Variants in PMS1 observed in about 807,000 individuals in gnomAD.
The protein encoded by PMS1 is PMS1 homolog 1, mismatch repair system component.
A neutral mutation model predicts 93.1 loss-of-function variants in PMS1; 79 were observed. That is an observed-to-expected ratio of 0.85 (90% CI 0.71 to 1.02). The LOEUF is 1.02. Among genes scored for constraint, PMS1 ranks in the 50% least tolerant of loss-of-function variants. PMS1 has a pLI of 0.00. For synonymous variants in PMS1, 335 were observed against 363.4 expected (o/e 0.92, Z 0.89); for missense variants, 1,064 against 1,085.3 (o/e 0.98, Z 0.28).
intron 9 of PMS1, among the ~76,000 whole-genome samples, chr2:189,863,232 T>C (rs1342672097): frequency 6.6e-6 from 1 of 151,802 alleles, no homozygotes; most frequent in East Asian, 1.9e-4. Context: ...GTTGTTGTTG[T>C]TTTTTCTTTT....
chr2:189,822,590 T>C (rs2052023951), intron 5 of PMS1, among the ~76,000 whole-genome samples: 1 of 152,320 alleles, frequency 6.6e-6, no homozygotes, highest in East Asian at 1.9e-4. Flanking sequence ...AGATTGTTGC[T>C]ACAGCAACTC....
At chr2:189,828,330 C>G (rs1229306793) in intron 5 of PMS1, among the ~76,000 whole-genome samples, 1 of 152,160 alleles carries the variant, frequency 6.6e-6, no homozygotes, top group Non-Finnish European at 1.5e-5. Flanking sequence ...ATGTTGTCAT[C>G]ACAAAGAAAT....
At chr2:189,840,652 A>G (rs923295351) in intron 5 of PMS1, among the ~76,000 whole-genome samples, 3 of 152,184 alleles carry the variant, frequency 2.0e-5, no homozygotes, top group African/African-American at 7.2e-5. Context: ...ATTATTGCAT[A>G]TCTGTATGAA....
intron 12 of PMS1, among the ~76,000 whole-genome samples, chr2:189,876,778 T>C (rs1230157668): frequency 6.8e-6 from 1 of 146,624 alleles, no homozygotes. Context: ...CACTTTTTTT[T>C]TTTTTTTTTT....
In PMS1 at chr2:189,873,663, A is replaced by G. The variant is rs745341454; in HGVS notation, c.2634+7A>G. 1 of 1,586,348 alleles carries G rather than the reference A, an allele frequency of 6.3e-7. No individual in the cohort carries two copies. Among genetic ancestry groups the G allele is most frequent in the East Asian group, 2.2e-5 (1 of 44,634 alleles). On this transcript the variant is annotated splice_region_variant and intron_variant, in intron 12 of 12. Transcript: ENST00000441310. ...AGTGATAAGTTATTTAGAGGTACGC[A>G]TTATTTTATATATATGTTATTGTAT...
At chr2:189,849,469 TAAG>T (rs370061916) in intron 6 of PMS1, among the ~76,000 whole-genome samples, 10 of 152,202 alleles carry the variant, frequency 6.6e-5, no homozygotes, top group African/African-American at 1.9e-4. Flanking sequence ...TTTTCTTTTT[TAAG>T]AAGCATGTTA....
intron 12 of PMS1, among the ~76,000 whole-genome samples, chr2:189,873,913 A>G (rs1450226106): frequency 1.3e-5 from 2 of 152,212 alleles, no homozygotes; most frequent in African/African-American, 4.8e-5. Context: ...CCACCCGCCA[A>G]CTGGAAAAAC....
chr2:189,867,790 C>A lies in PMS1; in HGVS notation c.2343-9C>A. On this transcript the variant is annotated splice_polypyrimidine_tract_variant and intron_variant, in intron 10 of 12. Coordinates refer to ENST00000441310, the MANE Select transcript of PMS1 (RefSeq NM_000534.5). ...TTAATAAGTTAAAGGGCCATAATTT[C>A]TTTTTCAGTCTTTTTAATGGATCTC... The A allele has an allele frequency of 1.3e-6, 2 of 1,560,842 alleles. No individual in the cohort carries two copies. Among genetic ancestry groups the A allele is most frequent in the Non-Finnish European group, 1.8e-6 (2 of 1,132,258 alleles).
In PMS1 at chr2:189,805,636, TG is replaced by T. The variant is rs2050268290; in HGVS notation, c.316-15del. The T allele has an allele frequency of 1.3e-6, 2 of 1,593,588 alleles. No homozygotes were observed. The highest frequency in any genetic ancestry group is 1.1e-5 in the South Asian group (1 of 90,652). On this transcript the variant is annotated splice_polypyrimidine_tract_variant and intron_variant, in intron 3 of 12. Coordinates refer to ENST00000441310, the MANE Select transcript of PMS1 (RefSeq NM_000534.5). ...TATCTAAAGTGTTAGTTTTATTAGA[TG>T]TTTTTTTCCCCCAGGTTTTAATTAC...
intron 1 of PMS1, among the ~76,000 whole-genome samples, chr2:189,787,969 A>G (rs1190029026): frequency 1.3e-5 from 2 of 152,160 alleles, no homozygotes; most frequent in Non-Finnish European, 2.9e-5. Flanking sequence ...GGGATGGGGT[A>G]GATAAAGTGT....
intron 5 of PMS1, among the ~76,000 whole-genome samples, chr2:189,835,058 CAAAAATGTAT>C (rs1017093811): frequency 6.6e-6 from 1 of 152,022 alleles, no homozygotes; most frequent in Non-Finnish European, 1.5e-5. Flanking sequence ...GTTGAAAACC[CAAAAATGTAT>C]GAAAAGGTAG....
chr2:189,870,250 G>T (rs1014739124), intron 11 of PMS1, among the ~76,000 whole-genome samples: 1 of 152,020 alleles, frequency 6.6e-6, no homozygotes, highest in African/African-American at 2.4e-5. Context: ...TCAACAGTTT[G>T]CCTGTAGTCA....
At chr2:189,805,573 A>G in intron 3 of PMS1, 79 bp from the exon 4 acceptor site, 1 of 1,114,522 alleles carries the variant, frequency 9.0e-7, no homozygotes, top group Non-Finnish European at 1.4e-6. Context: ...ATATTATGCA[A>G]TAATCATTTC....
intron 5 of PMS1, among the ~76,000 whole-genome samples, chr2:189,821,697 T>G (rs2051903216): frequency 6.6e-6 from 1 of 150,920 alleles, no homozygotes; most frequent in Admixed American, 6.6e-5. Flanking sequence ...TAATCCCAGC[T>G]ACTTGTGAGG....
chr2:189,818,117 A>G lies in PMS1; in HGVS notation c.519A>G (p.Gln173=), dbSNP rs2051488429. 6.2e-7 allele frequency: 1 copy of G among 1,609,170 alleles called. No individual in the cohort carries two copies. Among genetic ancestry groups the G allele is most frequent in the South Asian group, 1.1e-5 (1 of 90,904 alleles). The change falls in exon 5 of 13, where the codon CAA becomes CAG. Residue 173 remains glutamine (Q), a synonymous_variant. Transcript: ENST00000441310. The part of the protein sequence containing the change: ...KKCKDEIKKI[Q]DLLMSFGILK... ...GTAAAGATGAAATAAAAAAGATCCA[A>G]GATCTCCTCATGAGCTTTGGTATCC...
rs1166840041 is a variant in PMS1, at chr2:189,836,244, TA to T, written c.583-7719del. Among the ~76,000 whole-genome samples the T allele has an allele frequency of 5.3e-5, 8 of 152,296 alleles. 1 individual carries two copies. In the East Asian group the frequency reaches 1.5e-3, roughly 29 times the overall value. ...TAGCGTATGTCAGTGAGGTAGGAATTAGGGGCAAGATATATTTGGCTAACTT... is the reference window on the plus strand; with the variant it reads ...TAGCGTATGTCAGTGAGGTAGGAATTGGGGCAAGATATATTTGGCTAACTT... On this transcript the variant is annotated intron_variant, in intron 5 of 12. Coordinates refer to ENST00000441310, the MANE Select transcript of PMS1 (RefSeq NM_000534.5).
intron 5 of PMS1, among the ~76,000 whole-genome samples, chr2:189,832,834 CT>C (rs1428383382): frequency 6.6e-6 from 1 of 152,134 alleles, no homozygotes; most frequent in Non-Finnish European, 1.5e-5. Flanking sequence ...AGGTAGTGAA[CT>C]TTAGAAGGCC....
At chr2:189,826,576 CAT>C (rs2052449259) in intron 5 of PMS1, among the ~76,000 whole-genome samples, 1 of 151,586 alleles carries the variant, frequency 6.6e-6, no homozygotes, top group Non-Finnish European at 1.5e-5. Context: ...AGATGAAAGA[CAT>C]ATAAGTCAAG....
chr2:189,800,853 ATTAAG>A lies in PMS1; in HGVS notation c.316-4795_316-4791del, dbSNP rs1458240355. Among the ~76,000 whole-genome samples, 5 of 152,332 alleles carry A rather than the reference ATTAAG, an allele frequency of 3.3e-5. No individual in the cohort carries two copies. In the East Asian group the frequency reaches 9.6e-4, roughly 29 times the overall value. On this transcript the variant is annotated intron_variant, in intron 3 of 12. Transcript: ENST00000441310. ...TTAAAAAATGTTATTAAGAAGAAAAATTAAGTTAGACTTTCAGCAAAATTGGCTGG... is the reference window on the plus strand; with the variant it reads ...TTAAAAAATGTTATTAAGAAGAAAAATTAGACTTTCAGCAAAATTGGCTGG...
Sources: gnomAD v4.1 joint callset for allele counts (sites outside exome capture counted in the v4.1 genomes callset) on GRCh38, gnomAD v4.1.1 for gene constraint, MANE v1.5 for transcripts, NCBI Gene and HGNC (gene_info 2026-07-23, HGNC 2026-07-21) for gene names.